AGBL1: variants seen among roughly 807,000 people sequenced by gnomAD.
AGBL1 encodes cytosolic carboxypeptidase 4.
Under a neutral mutation model 118.9 loss-of-function variants are expected in AGBL1, and 130 were observed. The observed-to-expected ratio is 1.09, with a 90% CI of 0.95 to 1.26. The LOEUF is 1.26. Ranked by LOEUF, AGBL1 falls within the 50% of genes most tolerant of loss-of-function variation. The probability of loss-of-function intolerance (pLI) is 0.00; values close to 1 mark genes in which losing one functional copy is unlikely to be tolerated. For missense variants in AGBL1, 1,584 were observed against 1,298.1 expected (o/e 1.22, Z -3.38); for synonymous variants, 555 against 478.9 (o/e 1.16, Z -2.08).
chr15:86,116,085 C>A (rs907148658), intron 1 of AGBL1, among the ~76,000 whole-genome samples: 1 of 152,046 alleles, frequency 6.6e-6, no homozygotes, highest in African/African-American at 2.4e-5. Context: ...AGGCAGGGAA[C>A]CTAGAATTTA....
At chr15:86,169,056 T>C (rs2077379614) in intron 5 of AGBL1, among the ~76,000 whole-genome samples, 1 of 152,206 alleles carries the variant, frequency 6.6e-6, no homozygotes, top group African/African-American at 2.4e-5. Context: ...AGCCCTTAAA[T>C]TCCCCCAGCT....
At chr15:86,151,054 C>CA (rs1318172872) in intron 3 of AGBL1, among the ~76,000 whole-genome samples, 4 of 146,648 alleles carry the variant, frequency 2.7e-5, no homozygotes, top group Non-Finnish European at 3.0e-5. Flanking sequence ...ATCGCAAGAA[C>CA]AAAAAAACAA....
chr15:87,030,573 G>A (rs1050916937), downstream of AGBL1, among the ~76,000 whole-genome samples: 5 of 151,878 alleles, frequency 3.3e-5, no homozygotes, highest in Non-Finnish European at 7.4e-5. Context: ...AAATAACTAA[G>A]GAAAGAGTAG....
At chr15:86,939,794 A>C (rs989519465) in intron 23 of AGBL1, 1 of 152,228 alleles carries the variant, frequency 6.6e-6, no homozygotes, top group Admixed American at 6.5e-5. Context: ...AGAAGACTGG[A>C]ATAAGGAAGA....
At chr15:86,279,291 A>G (rs1312500444) in intron 15 of AGBL1, among the ~76,000 whole-genome samples, 1 of 152,218 alleles carries the variant, frequency 6.6e-6, no homozygotes. Context: ...TATGTCTCCA[A>G]TTGAAACCCA....
intron 5 of AGBL1, among the ~76,000 whole-genome samples, chr15:86,188,471 C>T (rs1025463108): frequency 2.0e-5 from 3 of 152,166 alleles, no homozygotes; most frequent in Non-Finnish European, 2.9e-5. Flanking sequence ...TATCTACAGA[C>T]TTGGCAGACG....
chr15:86,649,657 C>T (rs1176872777), intron 21 of AGBL1, among the ~76,000 whole-genome samples: 1 of 150,270 alleles, frequency 6.7e-6, no homozygotes, highest in Non-Finnish European at 1.5e-5. Flanking sequence ...TAATTGATAC[C>T]TTGTTTCATT....
chr15:86,511,362 C>T (rs1426755867), intron 18 of AGBL1, among the ~76,000 whole-genome samples: 1 of 152,006 alleles, frequency 6.6e-6, no homozygotes, highest in Non-Finnish European at 1.5e-5. Context: ...AGCTGAGACA[C>T]ATTGGTTCAT....
intron 22 of AGBL1, among the ~76,000 whole-genome samples, chr15:86,898,520 A>G (rs2141575175): frequency 6.6e-6 from 1 of 152,316 alleles, no homozygotes; most frequent in East Asian, 1.9e-4. Flanking sequence ...TGAAGGTCTT[A>G]GATGAAACAA....
At chr15:86,897,971 C>A (rs1356296144) in intron 22 of AGBL1, among the ~76,000 whole-genome samples, 1 of 151,686 alleles carries the variant, frequency 6.6e-6, no homozygotes, top group African/African-American at 2.4e-5. Context: ...TGGGGTTTTG[C>A]CTTATTGCCC....
intron 22 of AGBL1, among the ~76,000 whole-genome samples, chr15:86,828,914 GTATA>G (rs3059643): frequency 0.19 from 27,313 of 141,588 alleles, 3,662 homozygotes; most frequent in East Asian, 0.37. Flanking sequence ...AAGTTCAAAA[GTATA>G]TATATATATA....
intron 21 of AGBL1, among the ~76,000 whole-genome samples, chr15:86,635,427 C>T (rs1010572193): frequency 6.6e-6 from 1 of 151,012 alleles, no homozygotes; most frequent in Non-Finnish European, 1.5e-5. Flanking sequence ...GGGCAAAGTA[C>T]TGTTGCCCTG....
chr15:86,714,538 G>T (rs530492548), intron 22 of AGBL1, among the ~76,000 whole-genome samples: 2 of 152,240 alleles, frequency 1.3e-5, no homozygotes, highest in East Asian at 3.9e-4. Context: ...ATCATGGAGT[G>T]GTGTGAGGTC....
intron 22 of AGBL1, among the ~76,000 whole-genome samples, chr15:86,758,008 C>G (rs2077966640): frequency 6.6e-6 from 1 of 152,096 alleles, no homozygotes; most frequent in Non-Finnish European, 1.5e-5. Flanking sequence ...TGGAGGGGAT[C>G]TCAAGACAAT....
chr15:86,251,896 G>A (rs1332261617), intron 7 of AGBL1, among the ~76,000 whole-genome samples: 4 of 151,988 alleles, frequency 2.6e-5, no homozygotes. Flanking sequence ...ATAGGTAACT[G>A]CAGAAGGAAC....
chr15:86,476,313 A>C (rs1251228893), intron 18 of AGBL1, among the ~76,000 whole-genome samples: 5 of 152,170 alleles, frequency 3.3e-5, no homozygotes, highest in Non-Finnish European at 5.9e-5. Flanking sequence ...AAAACCCATC[A>C]GTGTGCTGTA....
intron 22 of AGBL1, among the ~76,000 whole-genome samples, chr15:86,879,846 C>A (rs563727726): frequency 6.0e-4 from 91 of 152,258 alleles, no homozygotes; most frequent in Admixed American, 1.3e-3. Context: ...TCATCTTTTG[C>A]CACCATAGGG....
intron 2 of AGBL1, 40 bp downstream of exon 2, chr15:86,142,107 T>A: frequency 6.5e-7 from 1 of 1,542,728 alleles, no homozygotes; most frequent in Non-Finnish European, 8.8e-7. Flanking sequence ...ATGGCGGATG[T>A]GGAGCCTGCT....
intron 18 of AGBL1, among the ~76,000 whole-genome samples, chr15:86,481,178 T>C (rs1192004316): frequency 2.0e-5 from 3 of 151,620 alleles, no homozygotes; most frequent in African/African-American, 4.8e-5. Flanking sequence ...TGGCTTGCCA[T>C]GTTTAGAGGA....
Sources: allele counts gnomAD v4.1 joint callset (sites outside exome capture counted in the v4.1 genomes callset), GRCh38; gene constraint gnomAD v4.1.1; transcripts MANE v1.5; gene names NCBI Gene and HGNC (gene_info 2026-07-23, HGNC 2026-07-21).